Variants in VIRMA observed in about 807,000 individuals in gnomAD.
The protein encoded by VIRMA is vir like m6A methyltransferase associated.
Under a neutral mutation model 182.4 loss-of-function variants are expected in VIRMA, and 65 were observed. The ratio of observed to expected loss-of-function variants is 0.36; its 90% CI spans 0.29 to 0.44. VIRMA has a LOEUF of 0.44. Among genes scored for constraint, VIRMA ranks in the 20% least tolerant of loss-of-function variants. The probability of loss-of-function intolerance (pLI) is 1.00; values close to 1 mark genes in which losing one functional copy is unlikely to be tolerated. For missense variants in VIRMA, 1,752 were observed against 2,158.1 expected (o/e 0.81, Z 3.73); for synonymous variants, 709 against 743.1 (o/e 0.95, Z 0.75).
At chr8:94,531,404 T>G (rs1479258208) in intron 5 of VIRMA, among the ~76,000 whole-genome samples, 2 of 152,188 alleles carry the variant, frequency 1.3e-5, no homozygotes, top group Non-Finnish European at 2.9e-5. Flanking sequence ...AAAAAATACT[T>G]TTCATCACTG....
chr8:94,510,925 T>C, intron 13 of VIRMA: 1 of 1,257,078 alleles, frequency 8.0e-7, no homozygotes, highest in East Asian at 2.7e-5. Flanking sequence ...GGGGAAAGGA[T>C]TTAAAATAAC....
At chr8:94,535,968 G>A (rs544124845) in intron 4 of VIRMA, among the ~76,000 whole-genome samples, 162 of 152,194 alleles carry the variant, frequency 1.1e-3, no homozygotes, top group Non-Finnish European at 1.9e-3. Flanking sequence ...ACAATTATGA[G>A]AGCAGATATT....
chr8:94,491,978 A>G, intron 21 of VIRMA, 69 bp from the exon 22 acceptor site: 1 of 1,225,000 alleles, frequency 8.2e-7, no homozygotes, highest in South Asian at 1.8e-5. Flanking sequence ...TCTTTATAAT[A>G]CCCAAAATTA....
chr8:94,514,540 A>G (rs1164345381), intron 11 of VIRMA, among the ~76,000 whole-genome samples: 4 of 152,242 alleles, frequency 2.6e-5, no homozygotes, highest in Non-Finnish European at 5.9e-5. Context: ...CTAAACAGTT[A>G]TATGTTACAT....
At chr8:94,514,393 G>C (rs1017128036) in intron 11 of VIRMA, among the ~76,000 whole-genome samples, 2 of 152,144 alleles carry the variant, frequency 1.3e-5, no homozygotes, top group Admixed American at 1.3e-4. Context: ...TAACTGTTAT[G>C]AATTATTTCA....
chr8:94,545,638 T>G (rs1815731750), intron 1 of VIRMA, among the ~76,000 whole-genome samples: 1 of 152,146 alleles, frequency 6.6e-6, no homozygotes. Context: ...TAAATTGCCA[T>G]GATACAGACT....
chr8:94,502,218 C>T (rs1814012586), intron 16 of VIRMA, among the ~76,000 whole-genome samples: 1 of 151,798 alleles, frequency 6.6e-6, no homozygotes, highest in Admixed American at 6.6e-5. Context: ...CATGAAATGT[C>T]TTTTTCATGC....
At chr8:94,546,719 C>T (rs1815779724) in intron 1 of VIRMA, 1 of 340,102 alleles carries the variant, frequency 2.9e-6, no homozygotes, top group South Asian at 2.3e-5. Context: ...CCCGTCCCAA[C>T]CTTCCCCCTC....
intron 9 of VIRMA, among the ~76,000 whole-genome samples, chr8:94,518,517 CTCATA>C (rs757370224): frequency 6.6e-6 from 1 of 152,190 alleles, no homozygotes; most frequent in Non-Finnish European, 1.5e-5. Flanking sequence ...TGTCTTTCTT[CTCATA>C]TAATAAAACC....
intron 11 of VIRMA, 22 bp downstream of exon 11, chr8:94,514,847 C>T: frequency 7.7e-7 from 1 of 1,303,514 alleles, no homozygotes; most frequent in Non-Finnish European, 1.1e-6. Context: ...AAAGTCAAAG[C>T]ACTTTTAAGT....
intron 16 of VIRMA, among the ~76,000 whole-genome samples, chr8:94,505,414 C>G (rs1013876171): frequency 6.6e-6 from 1 of 152,056 alleles, no homozygotes; most frequent in African/African-American, 2.4e-5. Flanking sequence ...AGGGCATCGG[C>G]AGAAAAATTA....
intron 2 of VIRMA, among the ~76,000 whole-genome samples, chr8:94,540,693 C>T (rs867177732): frequency 1.3e-5 from 2 of 152,096 alleles, no homozygotes; most frequent in South Asian, 4.2e-4. Flanking sequence ...AACTCCTGAC[C>T]TCAGCTGATC....
In VIRMA at chr8:94,512,070, GTCA is replaced by G; in HGVS notation, c.2768_2770del (p.Met923del). 6.7e-7 allele frequency: 1 copy of G among 1,496,380 alleles called. No individual in the cohort carries two copies. The highest frequency in any genetic ancestry group is 8.9e-7 in the Non-Finnish European group (1 of 1,121,508). 92.7% of individuals were successfully genotyped at this position (1,496,380 alleles called of 1,614,324 possible). ...AGTGGTAAGGCCAACTCCTTCTGGG[GTCA>G]TCAAGTTATCGATATTCTTTAAAAA... On this transcript the variant is annotated inframe_deletion, in exon 12 of 24. Transcript: ENST00000297591.
chr8:94,495,009 ATTT>A, intron 19 of VIRMA, 53 bp from the exon 20 acceptor site: 1 of 1,050,008 alleles, frequency 9.5e-7, no homozygotes, highest in Non-Finnish European at 1.4e-6. Context: ...TCAAATTTCA[ATTT>A]TTTTTTTTTG....
chr8:94,503,734 C>T (rs963919992), intron 16 of VIRMA, among the ~76,000 whole-genome samples: 4 of 152,060 alleles, frequency 2.6e-5, no homozygotes, highest in Admixed American at 6.6e-5. Context: ...GAAGGGCACA[C>T]CTGAACACTA....
At chr8:94,530,499 AAAAAAAAAAAAG>A (rs1054474605) in intron 6 of VIRMA, among the ~76,000 whole-genome samples, 2 of 150,804 alleles carry the variant, frequency 1.3e-5, no homozygotes, top group African/African-American at 4.8e-5. Flanking sequence ...CCTGTCTCAA[AAAAAAAAAAAAG>A]AAAAAAGAAA....
Position 94,507,893 on chromosome 8 carries a change from GTA to G in VIRMA, c.3880-1178_3880-1177del, listed in dbSNP as rs113585230. ...ACTTTATATATATACATGTATATATGTATATATATGTATATATGTATGTGTAT... is the reference window on the plus strand; with the variant it reads ...ACTTTATATATATACATGTATATATGTATATATGTATATATGTATGTGTAT... On this transcript the variant is annotated intron_variant, in intron 15 of 23. Coordinates refer to ENST00000297591, the MANE Select transcript of VIRMA (RefSeq NM_015496.5). Among the ~76,000 whole-genome samples the G allele has an allele frequency of 3.6e-5, 5 of 140,452 alleles. No homozygotes were observed. The East Asian group carries it at 7.8e-4, about 22-fold the overall frequency. 92.1% of individuals were successfully genotyped at this position (140,452 alleles called of 152,430 possible).
intron 2 of VIRMA, 121 bp from the exon 3 acceptor site, chr8:94,538,467 G>T: frequency 3.3e-6 from 2 of 607,494 alleles, no homozygotes; most frequent in East Asian, 2.8e-5. Flanking sequence ...ATGTTCCTAA[G>T]ATTTAAATAA....
At chr8:94,493,755 TTC>T (rs1165058604) in intron 20 of VIRMA, among the ~76,000 whole-genome samples, 2 of 152,222 alleles carry the variant, frequency 1.3e-5, no homozygotes, top group Non-Finnish European at 2.9e-5. Context: ...AAGCAAATCA[TTC>T]TCTTAGTTTT....
Sources: gnomAD v4.1 joint callset for allele counts (sites outside exome capture counted in the v4.1 genomes callset) on GRCh38, gnomAD v4.1.1 for gene constraint, MANE v1.5 for transcripts, NCBI Gene and HGNC (gene_info 2026-07-23, HGNC 2026-07-21) for gene names.